Variants in MZF1 observed in about 807,000 individuals in gnomAD.
The protein encoded by MZF1 is zinc finger and SCAN domain-containing protein 6.
Under a neutral mutation model 28.6 loss-of-function variants are expected in MZF1, and 24 were observed. The observed-to-expected ratio is 0.84, with a 90% CI of 0.61 to 1.18. The LOEUF is 1.18. MZF1 is among the 50% of genes most tolerant of loss of function. The probability of loss-of-function intolerance (pLI) is 0.00; values close to 1 mark genes in which losing one functional copy is unlikely to be tolerated. For synonymous variants in MZF1, 516 were observed against 432.5 expected, an observed-to-expected ratio of 1.19 and a Z score of -2.40; for missense variants, 1,166 against 1,026.4, an observed-to-expected ratio of 1.14 and a Z score of -1.86.
chr19:58,562,777 C>A lies in MZF1; in HGVS notation c.1500G>T (p.Leu500=), dbSNP rs749096504. Residue 500 remains leucine, a synonymous_variant, in exon 6 of 6, where the codon CTG becomes CTT. Coordinates refer to ENST00000215057, the MANE Select transcript of MZF1 (RefSeq NM_198055.2). The stretch of plus-strand genomic sequence containing the variant: ...CCGTGTGTACCGCCTGGTGCTCCAG[C>A]AGCACGGCGCGCCGCGCGAAGCTCT... ...CRESFARRAV[L]LEHQAVHTGD... 2.0e-6 allele frequency: 3 copies of A among 1,534,718 alleles called. No homozygotes were observed. The African/African-American group carries it at 4.1e-5, about 21-fold the overall frequency.
intron 1 of MZF1, among the ~76,000 whole-genome samples, chr19:58,572,211 C>T (rs1022142254): frequency 5.3e-5 from 8 of 152,110 alleles, no homozygotes; most frequent in Admixed American, 3.3e-4. Context: ...TTGGGCCCCA[C>T]CATCATTCCC....
At chr19:58,571,722 C>G (rs1448672536) in intron 1 of MZF1, 1 of 274,776 alleles carries the variant, frequency 3.6e-6, no homozygotes, top group Non-Finnish European at 7.0e-6. Flanking sequence ...CAGTCAGTTG[C>G]CCAGGCTGAA....
In MZF1 at chr19:58,566,414, T is replaced by A. The variant is rs1222965418; in HGVS notation, c.772+2863A>T. Among the ~76,000 whole-genome samples the A allele has an allele frequency of 5.9e-5, 9 of 151,834 alleles. No homozygotes were observed. In the East Asian group the frequency reaches 1.7e-3, roughly 29 times the overall value. ...GTGAGCCGAGATCGCGCCATTGCAC[T>A]CCAGCCTGGGCAACAAGAGCGAAAT... On this transcript the variant is annotated intron_variant, in intron 5 of 5. Coordinates refer to ENST00000215057, the MANE Select transcript of MZF1 (RefSeq NM_198055.2).
rs2054146480 is a variant in MZF1 at position 58,570,854 on chromosome 19, T to A, written c.396+140A>T. 62 of 947,824 alleles carry A rather than the reference T, an allele frequency of 6.5e-5. No individual in the cohort carries two copies. The South Asian group carries it at 1.0e-3, about 15-fold the overall frequency. The allele number at this position is 947,824 out of a possible 1,614,324, so 58.7% of individuals were successfully genotyped here. On this transcript the variant is annotated intron_variant, in intron 2 of 5. Transcript: ENST00000215057. ...TGGAATCCCTCTGCCCTGGGCAGCCTTGCACAGGGTCTCTGTTGCAGGTGG... is the reference window on the plus strand; with the variant it reads ...TGGAATCCCTCTGCCCTGGGCAGCCATGCACAGGGTCTCTGTTGCAGGTGG...
At chr19:58,570,683 T>C in intron 2 of MZF1, 156 bp from the exon 3 acceptor site, 1 of 824,290 alleles carries the variant, frequency 1.2e-6, no homozygotes, top group Non-Finnish European at 1.8e-6. Context: ...CCCTAGGCCC[T>C]GAGCAAAGAA....
At position 58,571,329 on chromosome 19, in the gene MZF1, T is replaced by C. The variant is rs2054159789; in HGVS notation, c.61A>G (p.Met21Val). ...RAPPEDEGPV[M>V]VKLEDSEEEG... ...TCCTCAGAGTCCTCTAGCTTCACCA[T>C]GACAGGCCCCTCATCTTCTGGGGGT... Residue 21 changes from methionine (M) to valine (V), a missense_variant, in exon 2 of 6, where the codon ATG becomes GTG. By Grantham distance (21) the Met-to-Val change is conservative (BLOSUM62 1). Transcript: ENST00000215057. The C allele has an allele frequency of 3.7e-6, 6 of 1,614,166 alleles. No individual in the cohort carries two copies. The highest frequency in any genetic ancestry group is 1.3e-5 in the African/African-American group (1 of 75,052).
intron 5 of MZF1, among the ~76,000 whole-genome samples, chr19:58,564,902 G>GTTTTTTTTTTTTTTTTTTTTT (rs71190056): frequency 4.8e-5 from 2 of 41,996 alleles, no homozygotes; most frequent in South Asian, 1.2e-3. Context: ...CCATGTGTGT[G>GTTTTTTTTTTTTTTTTTTTTT]TTTTTTTTTT....
chr19:58,569,843 G>A (rs1304386738), intron 3 of MZF1: 4 of 479,872 alleles, frequency 8.3e-6, no homozygotes, highest in Admixed American at 3.8e-5. Context: ...TGAACCATGG[G>A]GCAAGGTGGT....
chr19:58,572,324 C>G (rs1358278276), intron 1 of MZF1, among the ~76,000 whole-genome samples: 4 of 152,108 alleles, frequency 2.6e-5, no homozygotes, highest in Non-Finnish European at 5.9e-5. Context: ...CTACTCAGCC[C>G]CATCTTCTAA....
chr19:58,569,031 G>T (rs527534708), intron 5 of MZF1: 193 of 442,782 alleles, frequency 4.4e-4, no homozygotes, highest in African/African-American at 3.5e-3. Flanking sequence ...CTTGCAAAAG[G>T]TTTTACTAGG....
At chr19:58,564,964 A>AGGC in intron 5 of MZF1, among the ~76,000 whole-genome samples, 1 of 114,442 alleles carries the variant, frequency 8.7e-6, no homozygotes, top group East Asian at 3.1e-4. Flanking sequence ...TGTGTCGCCC[A>AGGC]GGCTGGAGTG....
chr19:58,572,529 C>T (rs1037396377), intron 1 of MZF1: 1 of 1,288,102 alleles, frequency 7.8e-7, no homozygotes, highest in African/African-American at 1.5e-5. Flanking sequence ...ACTTGTTTCC[C>T]CATTTGCAAG....
chr19:58,569,121 AGAG>A (rs2054109374), intron 5 of MZF1, 153 bp downstream of exon 5: 2 of 988,010 alleles, frequency 2.0e-6, no homozygotes, highest in East Asian at 2.7e-5. Context: ...AGAAGATGCT[AGAG>A]GAGGTTGAAC....
In MZF1 at chr19:58,570,325, C is replaced by A. The variant is rs1392254533; in HGVS notation, c.580+19G>T. ...CCACCCAACCAGACCTTAGGCGCGC[C>A]CACCGTGCATGCCCTCACCTGAGTC... On this transcript the variant is annotated intron_variant, in intron 3 of 5. Transcript: ENST00000215057. 1.9e-6 allele frequency: 3 copies of A among 1,586,958 alleles called. No homozygotes were observed. Among genetic ancestry groups the A allele is most frequent in the Non-Finnish European group, 1.7e-6 (2 of 1,164,482 alleles).
chr19:58,562,217 C>G lies in MZF1; in HGVS notation c.2060G>C (p.Gly687Ala), dbSNP rs769188539. 3 of 1,608,386 alleles carry G rather than the reference C, an allele frequency of 1.9e-6. No individual in the cohort carries two copies. The highest frequency in any genetic ancestry group is 1.7e-6 in the Non-Finnish European group (2 of 1,179,102). Residue 687 changes from glycine to alanine, a missense_variant, in exon 6 of 6, where the codon GGC becomes GCC. By Grantham distance (60) the Gly-to-Ala change is moderately conservative. Transcript: ENST00000215057. ...CGTGGGCCGCTGGCGGAAGGCCTTG[C>G]CACACTCAGGGCATGCGTAGGGCCG... ...GERPYACPECGKAFRQRPTLT... is the reference protein window; with the variant it reads ...GERPYACPECAKAFRQRPTLT...
chr19:58,562,345 CT>C lies in MZF1; in HGVS notation c.1931del (p.Gln644ArgfsTer118), dbSNP rs772878443. The C allele has an allele frequency of 4.4e-6, 7 of 1,608,820 alleles. No individual in the cohort carries two copies. Among genetic ancestry groups the C allele is most frequent in the Admixed American group, 1.7e-5 (1 of 59,398 alleles). Reference protein sequence around the residue: ...FTQVSRLTEHQRIHTGERPFA... With the variant: ...FTQVSRLTEHXRIHTGERPFA... ...AGGGCCGTTCGCCCGTGTGGATGCGCTGGTGCTCGGTGAGCCGCGAGACCTG... is the reference window on the plus strand; with the variant it reads ...AGGGCCGTTCGCCCGTGTGGATGCGCGGTGCTCGGTGAGCCGCGAGACCTG... On this transcript the variant is annotated frameshift_variant, in exon 6 of 6. Transcript: ENST00000215057. LOFTEE classifies it low-confidence loss of function (END_TRUNC).
chr19:58,569,943 G>A (rs1369857373), intron 3 of MZF1: 1 of 320,228 alleles, frequency 3.1e-6, no homozygotes, highest in Non-Finnish European at 5.8e-6. Flanking sequence ...GGAGGTGAAA[G>A]GGGTCATACC....
rs745549876 is a variant in MZF1 at position 58,570,546 on chromosome 19, C to T, written c.397-19G>A. 36 of 1,605,576 alleles carry T rather than the reference C, an allele frequency of 2.2e-5. No homozygotes were observed. Among genetic ancestry groups the T allele is most frequent in the Non-Finnish European group, 3.0e-5 (35 of 1,175,896 alleles). ...CTGTGACCTGGGGAGGTGCCCCCAC[C>T]ATCAGAAGTCCTACCAGAGAGTAAG... On this transcript the variant is annotated intron_variant, in intron 2 of 5. Transcript: ENST00000215057.
At position 58,565,530 on chromosome 19, in the gene MZF1, C is replaced by CGT. The variant is rs747375973; in HGVS notation, c.773-2028_773-2027dup. On this transcript the variant is annotated intron_variant, in intron 5 of 5. Coordinates refer to ENST00000215057, the MANE Select transcript of MZF1 (RefSeq NM_198055.2). ...CAGGTGTGAGCCACCACGCCCAGCC[C>CGT]GTGTGTGTGTGTGCGCACTTGAGAC... Among the ~76,000 whole-genome samples the CGT allele has an allele frequency of 3.1e-3, 462 of 150,214 alleles. 4 individuals are homozygous for CGT. Among genetic ancestry groups the CGT allele is most frequent in the Admixed American group, 5.4e-3 (82 of 15,112 alleles).
Sources: allele counts gnomAD v4.1 joint callset (sites outside exome capture counted in the v4.1 genomes callset), GRCh38; gene constraint gnomAD v4.1.1; transcripts MANE v1.5; gene names NCBI Gene and HGNC (gene_info 2026-07-23, HGNC 2026-07-21).